Variants in COL23A1 observed in about 807,000 individuals in gnomAD.
COL23A1 encodes collagen alpha-1(XXIII) chain.
In COL23A1, 97 loss-of-function variants were observed where a neutral mutation model predicts 99.3. The observed-to-expected ratio is 0.98, with a 90% confidence interval of 0.83 to 1.16. The LOEUF (loss-of-function observed/expected upper bound fraction) is 1.16. COL23A1 is among the 50% of genes most tolerant of loss of function. The probability of loss-of-function intolerance (pLI) is 0.00; values close to 1 mark genes in which losing one functional copy is unlikely to be tolerated. For missense variants in COL23A1, 762 were observed against 757.4 expected, an observed-to-expected ratio of 1.01 and a Z score of -0.07; for synonymous variants, 320 against 308.2, an observed-to-expected ratio of 1.04 and a Z score of -0.40.
At chr5:178,457,395 A>G (rs1223837958) in intron 2 of COL23A1, among the ~76,000 whole-genome samples, 2 of 152,004 alleles carry the variant, frequency 1.3e-5, no homozygotes, top group African/African-American at 2.4e-5. Context: ...TTGTATTTTT[A>G]GTAGAGACGG....
intron 2 of COL23A1, among the ~76,000 whole-genome samples, chr5:178,338,588 G>GGGTAGCTCCTGGGTCAC (rs1561875088): frequency 0.066 from 9,604 of 144,546 alleles, 367 homozygotes; most frequent in Middle Eastern, 0.14. Context: ...TGGGTCACTG[G>GGGTAGCTCCTGGGTCAC]CCAGCACCGG....
At chr5:178,257,090 T>C (rs900519295) in intron 13 of COL23A1, among the ~76,000 whole-genome samples, 162 bp from the exon 14 acceptor site, 4 of 152,150 alleles carry the variant, frequency 2.6e-5, no homozygotes, top group Non-Finnish European at 4.4e-5. Context: ...CTCAGGCCTC[T>C]CCCTAGCCCA....
rs1766049768 is a variant in COL23A1 at position 178,428,099 on chromosome 5, C to T, written c.362-121180G>A. 6.6e-6 allele frequency among the ~76,000 whole-genome samples: 1 copy of T among 152,176 alleles called. No homozygotes were observed. The highest frequency in any genetic ancestry group is 2.1e-4 in the South Asian group (1 of 4,830). ...AGCCCTCTCCTCCAGTCCAGCCTTT[C>T]CAGCAATGAGGGTATCATCAAAAGC... On this transcript the variant is annotated intron_variant, in intron 2 of 28. Transcript: ENST00000390654. The surrounding 1 kb of genome is among the most constrained non-coding windows in gnomAD (Gnocchi z 5.0).
intron 2 of COL23A1, among the ~76,000 whole-genome samples, chr5:178,487,873 G>T (rs893848590): frequency 6.6e-6 from 1 of 152,222 alleles, no homozygotes; most frequent in African/African-American, 2.4e-5. Flanking sequence ...CTCTGCTCTA[G>T]GTCATCAGCT....
At chr5:178,523,352 GGGA>G (rs1197197348) in intron 2 of COL23A1, among the ~76,000 whole-genome samples, 4 of 144,916 alleles carry the variant, frequency 2.8e-5, no homozygotes, top group Non-Finnish European at 6.0e-5. Context: ...GCTTGAACCT[GGGA>G]GGAGGAGGTT....
intron 2 of COL23A1, among the ~76,000 whole-genome samples, chr5:178,509,543 C>T (rs1028988994): frequency 1.3e-5 from 2 of 152,056 alleles, no homozygotes; most frequent in Non-Finnish European, 1.5e-5. Context: ...CTAACAAGAC[C>T]CCAGCTGAGA....
intron 2 of COL23A1, among the ~76,000 whole-genome samples, chr5:178,367,019 T>G (rs536054023): frequency 6.6e-6 from 1 of 152,308 alleles, no homozygotes; most frequent in Non-Finnish European, 1.5e-5. Flanking sequence ...AAACTGAATT[T>G]TACATGGCAG....
intron 2 of COL23A1, among the ~76,000 whole-genome samples, chr5:178,456,872 T>G (rs1561988365): frequency 6.6e-6 from 1 of 152,142 alleles, no homozygotes; most frequent in Non-Finnish European, 1.5e-5. Flanking sequence ...GCAAGAAAAT[T>G]CCCTGATTTC....
Position 178,415,624 on chromosome 5 carries a change from G to A in COL23A1, c.362-108705C>T, listed in dbSNP as rs1245500909. Among the ~76,000 whole-genome samples the A allele has an allele frequency of 2.6e-5, 4 of 152,140 alleles. No individual in the cohort carries two copies. Among genetic ancestry groups the A allele is most frequent in the African/African-American group, 7.2e-5 (3 of 41,430 alleles). Reference sequence around the variant, plus strand: ...CAGAGGACAGTGCTGCCCCCATCCCGCCCTGGCTCCATGAGGGCAAGGGGA... The same window carrying A: ...CAGAGGACAGTGCTGCCCCCATCCCACCCTGGCTCCATGAGGGCAAGGGGA... On this transcript the variant is annotated intron_variant, in intron 2 of 28. Transcript: ENST00000390654. The surrounding 1 kb of genome is among the most constrained non-coding windows in gnomAD (Gnocchi z 4.6).
chr5:178,245,844 A>C, intron 25 of COL23A1, 98 bp downstream of exon 25: 2 of 1,396,518 alleles, frequency 1.4e-6, no homozygotes. Flanking sequence ...CCCTGGGGAA[A>C]GGGGTCACAC....
chr5:178,553,278 A>G (rs1487694319), intron 2 of COL23A1, among the ~76,000 whole-genome samples: 2 of 152,098 alleles, frequency 1.3e-5, no homozygotes, highest in South Asian at 4.2e-4. Flanking sequence ...AGCAACTTTT[A>G]CCACTTCTGT....
At chr5:178,347,470 G>T (rs1012456887) in intron 2 of COL23A1, among the ~76,000 whole-genome samples, 1 of 151,948 alleles carries the variant, frequency 6.6e-6, no homozygotes, top group African/African-American at 2.4e-5. Context: ...TCTCTCTGGG[G>T]TGATGGAAAC....
chr5:178,372,184 C>T (rs753944145), intron 2 of COL23A1, among the ~76,000 whole-genome samples: 5 of 152,194 alleles, frequency 3.3e-5, no homozygotes, highest in East Asian at 1.9e-4. Flanking sequence ...ACGGGGCTGA[C>T]GCAGGGGGCT....
At chr5:178,506,321 A>G (rs1334928255) in intron 2 of COL23A1, among the ~76,000 whole-genome samples, 1 of 152,140 alleles carries the variant, frequency 6.6e-6, no homozygotes, top group African/African-American at 2.4e-5. Flanking sequence ...GGTGCCCCAC[A>G]CCACTGCAGC....
At chr5:178,437,196 C>T (rs1766606792) in intron 2 of COL23A1, among the ~76,000 whole-genome samples, 2 of 152,200 alleles carry the variant, frequency 1.3e-5, no homozygotes, top group South Asian at 2.1e-4. Context: ...TTCACCTCAT[C>T]TGGTGATTAA....
chr5:178,584,308 C>CCCCA lies in COL23A1; in HGVS notation c.294+5595_294+5596insTGGG, dbSNP rs1554201389. 1.1e-4 allele frequency among the ~76,000 whole-genome samples: 16 copies of CCCCA among 145,140 alleles called. 1 individual carries two copies. The East Asian group carries it at 1.2e-3, about 11-fold the overall frequency. ...TACAGGTGTGAGCCACTGCACCTGG[C>CCCCA]CACACACACACACACACACACACAC... On this transcript the variant is annotated intron_variant, in intron 1 of 28. Transcript: ENST00000390654.
At chr5:178,456,061 T>C (rs1289410271) in intron 2 of COL23A1, among the ~76,000 whole-genome samples, 3 of 152,358 alleles carry the variant, frequency 2.0e-5, no homozygotes, top group Admixed American at 6.5e-5. Context: ...GACTCTCATA[T>C]ACCAAACAAT....
intron 2 of COL23A1, among the ~76,000 whole-genome samples, chr5:178,550,138 T>A (rs1406479696): frequency 6.6e-6 from 1 of 152,232 alleles, no homozygotes; most frequent in Non-Finnish European, 1.5e-5. Flanking sequence ...CTAGGAAACC[T>A]AGCAAGTTGT....
chr5:178,487,288 T>TTTTTTTTATTTA (rs773272887), intron 2 of COL23A1, among the ~76,000 whole-genome samples: 1,454 of 116,510 alleles, frequency 0.012, 13 homozygotes, highest in East Asian at 0.014. Context: ...CCAGCCTCAG[T>TTTTTTTTATTTA]TTTATTTATT....
Sources: allele counts gnomAD v4.1 joint callset (sites outside exome capture counted in the v4.1 genomes callset), GRCh38; gene constraint gnomAD v4.1.1; non-coding constraint Gnocchi (gnomAD v3.1); transcripts MANE v1.5; gene names NCBI Gene and HGNC (gene_info 2026-07-23, HGNC 2026-07-21).